BECN2: variants seen among roughly 807,000 people sequenced by gnomAD.
BECN2 encodes the protein beclin-2.
For missense variants in BECN2, 428 were observed against 507.9 expected, an observed-to-expected ratio of 0.84 and a Z score of 1.51; for synonymous variants, 173 against 220.1, an observed-to-expected ratio of 0.79 and a Z score of 1.90.
In BECN2 at chr1:241,958,198, A is replaced by G. The variant is rs1664458228; in HGVS notation, c.432A>G (p.Gln144=). ...CAGAAGCTGACAGTCAGAACTACCA[A>G]CGCTGCCTGGAGACCGGGGAGCTGG... is the stretch of plus-strand genomic sequence containing the variant. ...ALTEADSQNY[Q]RCLETGELAT... is the part of the protein sequence containing the mutation. The change falls in exon 1 of 1, where the codon CAA becomes CAG. Residue 144 remains glutamine, a synonymous_variant. Transcript: ENST00000419583. 2 of 1,232,488 alleles carry G rather than the reference A, an allele frequency of 1.6e-6. No individual in the cohort carries two copies. Among genetic ancestry groups the G allele is most frequent in the Non-Finnish European group, 2.0e-6 (2 of 988,478 alleles). 76.3% of individuals were successfully genotyped at this position (1,232,488 alleles called of 1,614,324 possible).
Position 241,959,060 on chromosome 1 carries a change from T to C in BECN2, c.1294T>C (p.Ter432GlnextTer?). 8.1e-7 allele frequency: 1 copy of C among 1,231,830 alleles called. No individual in the cohort carries two copies. The highest frequency in any genetic ancestry group is 1.0e-6 in the Non-Finnish European group (1 of 988,032). The allele number at this position is 1,231,830 out of a possible 1,614,324, so 76.3% of individuals were successfully genotyped here. A position where few individuals can be genotyped will look rare whatever the true frequency, so the allele number is the denominator to read the frequency against. Residue 432 changes from the stop codon to glutamine, a stop_lost, in exon 1 of 1, where the codon TAG becomes CAG. Transcript: ENST00000419583. ...CTGGGTTGCCTCAAGGTATCAAAAG[T>C]AGCTTTCTTGAGTCTTGCTCTGTCA... ...LIWVASRYQK[*>Q] is the part of the protein sequence containing the mutation.
chr1:241,958,779 G>T lies in BECN2; in HGVS notation c.1013G>T (p.Gly338Val). 8.1e-7 allele frequency: 1 copy of T among 1,231,786 alleles called. No individual in the cohort carries two copies. Among genetic ancestry groups the T allele is most frequent in the Non-Finnish European group, 1.0e-6 (1 of 988,056 alleles). The allele number at this position is 1,231,786 out of a possible 1,614,324, so 76.3% of individuals were successfully genotyped here. Residue 338 changes from glycine (G) to valine (V), a missense_variant, in exon 1 of 1, where the codon GGG becomes GTG. Gly to Val is a moderately radical substitution (Grantham distance 109, BLOSUM62 -3). Coordinates refer to ENST00000419583, the MANE Select transcript of BECN2 (RefSeq NM_001290693.1). ...RTELPLFCYGGQDVFLNNKYD... is the reference protein window; with the variant it reads ...RTELPLFCYGVQDVFLNNKYD... ...GAGCTGCCGTTGTTCTGTTATGGGGGGCAGGATGTTTTCCTCAATAACAAG... is the reference window on the plus strand; with the variant it reads ...GAGCTGCCGTTGTTCTGTTATGGGGTGCAGGATGTTTTCCTCAATAACAAG...
rs1664452451 is a variant in BECN2, at chr1:241,957,882, C to T, written c.116C>T (p.Pro39Leu). ...GCGCCCACCTCTGGGCAGGCTGAGC[C>T]CGGAGACACCCGGGAGCCCGGCGTC... Reference protein sequence around the residue: ...APAPTSGQAEPGDTREPGVTT... With the variant: ...APAPTSGQAELGDTREPGVTT... Residue 39 changes from proline to leucine, a missense_variant, in exon 1 of 1, where the codon CCC becomes CTC. Transcript: ENST00000419583. The T allele has an allele frequency of 1.2e-5, 15 of 1,231,222 alleles. No homozygotes were observed. The highest frequency in any genetic ancestry group is 1.5e-5 in the Non-Finnish European group (15 of 988,042). 76.3% of individuals were successfully genotyped at this position (1,231,222 alleles called of 1,614,324 possible). A position where few individuals can be genotyped will look rare whatever the true frequency, so the allele number is the denominator to read the frequency against.
chr1:241,958,987 G>T lies in BECN2; in HGVS notation c.1221G>T (p.Trp407Cys), dbSNP rs889878148. The change falls in exon 1 of 1, where the codon TGG becomes TGT. Residue 407 changes from tryptophan (W) to cysteine (C), a missense_variant. Trp to Cys is a radical substitution (Grantham distance 215, BLOSUM62 -2). Transcript: ENST00000419583. The stretch of plus-strand genomic sequence containing the variant: ...CCCATCTGAACACGCAGGAGCTGTG[G>T]ACAAAGGCACTCAAGTTCATGCTTA... ...IRTHLNTQELWTKALKFMLIN... is the reference protein window; with the variant it reads ...IRTHLNTQELCTKALKFMLIN... 1.6e-6 allele frequency: 2 copies of T among 1,231,612 alleles called. No individual in the cohort carries two copies. The highest frequency in any genetic ancestry group is 3.1e-5 in the African/African-American group (2 of 64,398). The allele number at this position is 1,231,612 out of a possible 1,614,324, so 76.3% of individuals were successfully genotyped here.
At position 241,958,765 on chromosome 1, in the gene BECN2, G is replaced by A; in HGVS notation, c.999G>A (p.Leu333=). The change falls in exon 1 of 1, where the codon TTG becomes TTA. Residue 333 remains leucine, a synonymous_variant. Transcript: ENST00000419583. ...SLTDDRTELP[L]FCYGGQDVFL... ...CAGATGACCGCACTGAGCTGCCGTT[G>A]TTCTGTTATGGGGGGCAGGATGTTT... 5.7e-6 allele frequency: 7 copies of A among 1,231,798 alleles called. No individual in the cohort carries two copies. The highest frequency in any genetic ancestry group is 7.1e-6 in the Non-Finnish European group (7 of 988,034). 76.3% of individuals were successfully genotyped at this position (1,231,798 alleles called of 1,614,324 possible).
rs955956500 is a variant in BECN2 at position 241,958,722 on chromosome 1, C to G, written c.956C>G (p.Ser319Trp). 22 of 1,231,628 alleles carry G rather than the reference C, an allele frequency of 1.8e-5. No homozygotes were observed. The African/African-American group carries it at 3.3e-4, about 18-fold the overall frequency. The allele number at this position is 1,231,628 out of a possible 1,614,324, so 76.3% of individuals were successfully genotyped here. A position where few individuals can be genotyped will look rare whatever the true frequency, so the allele number is the denominator to read the frequency against. ...CGACTCATCCCCTGCGGAAACCATTCGTATCTGAAGTCTTTAACAGATGAC... is the reference window on the plus strand; with the variant it reads ...CGACTCATCCCCTGCGGAAACCATTGGTATCTGAAGTCTTTAACAGATGAC... Reference protein sequence around the residue: ...RYRLIPCGNHSYLKSLTDDRT... With the variant: ...RYRLIPCGNHWYLKSLTDDRT... Residue 319 changes from serine (S) to tryptophan (W), a missense_variant, in exon 1 of 1, where the codon TCG becomes TGG. By Grantham distance (177) the Ser-to-Trp change is radical (BLOSUM62 -3). Transcript: ENST00000419583.
Position 241,958,249 on chromosome 1 carries a change from G to A in BECN2, c.483G>A (p.Ala161=). The A allele has an allele frequency of 8.1e-7, 1 of 1,233,996 alleles. No individual in the cohort carries two copies. Among genetic ancestry groups the A allele is most frequent in the Non-Finnish European group, 1.0e-6 (1 of 989,656 alleles). 76.4% of individuals were successfully genotyped at this position (1,233,996 alleles called of 1,614,324 possible). Residue 161 remains alanine (A), a synonymous_variant, in exon 1 of 1, where the codon GCG becomes GCA. Coordinates refer to ENST00000419583, the MANE Select transcript of BECN2 (RefSeq NM_001290693.1). ...CGACCAGCGAGGACGAGGCGGCGGC[G>A]CTGCGGGCGGAGCTGCGGGACCTGG... The part of the protein sequence containing the change: ...ELATSEDEAA[A]LRAELRDLEL...
At chr1:241,958,736 TTA>T in the BECN2 span, 2 of 1,231,674 alleles carry the variant, frequency 1.6e-6, no homozygotes, top group Non-Finnish European at 2.0e-6. Flanking sequence ...TCTGAAGTCT[TTA>T]ACAGATGACC....
rs568935999 is a variant in BECN2, at chr1:241,958,391, A to G, written c.625A>G (p.Arg209Gly). The G allele has an allele frequency of 1.6e-6, 2 of 1,232,656 alleles. No homozygotes were observed. Among genetic ancestry groups the G allele is most frequent in the Admixed American group, 8.4e-5 (2 of 23,712 alleles). The allele number at this position is 1,232,656 out of a possible 1,614,324, so 76.4% of individuals were successfully genotyped here. A position where few individuals can be genotyped will look rare whatever the true frequency, so the allele number is the denominator to read the frequency against. ...GGCTGCGGAGCTGGACCAGCAGGAG[A>G]GGCAGCACTACAGGGACTACAGTGC... ...AEAAELDQQE[R>G]QHYRDYSALK... is the part of the protein sequence containing the mutation. Residue 209 changes from arginine (R) to glycine (G), a missense_variant, in exon 1 of 1, where the codon AGG (arginine) becomes GGG (glycine). Physicochemically the swap from Arg to Gly is moderately radical, Grantham distance 125. Transcript: ENST00000419583.
At position 241,958,214 on chromosome 1, in the gene BECN2, G is replaced by A. The variant is rs527947465; in HGVS notation, c.448G>A (p.Gly150Arg). ...GAACTACCAACGCTGCCTGGAGACC[G>A]GGGAGCTGGCGACCAGCGAGGACGA... The part of the protein sequence containing the change: ...SQNYQRCLET[G>R]ELATSEDEAA... Residue 150 changes from glycine (G) to arginine (R), a missense_variant, in exon 1 of 1, where the codon GGG (glycine) becomes AGG (arginine). Transcript: ENST00000419583. 3.8e-5 allele frequency: 47 copies of A among 1,232,486 alleles called. No homozygotes were observed. In the Middle Eastern group the frequency reaches 1.5e-3, roughly 41 times the overall value. 76.3% of individuals were successfully genotyped at this position (1,232,486 alleles called of 1,614,324 possible). A position where few individuals can be genotyped will look rare whatever the true frequency, so the allele number is the denominator to read the frequency against.
At position 241,958,138 on chromosome 1, in the gene BECN2, T is replaced by C. The variant is rs1664457103; in HGVS notation, c.372T>C (p.Ser124=). ...DHPLCEECTD[S]LLEQLDIQLA... ...CCCTGTGTGAAGAATGCACCGACAG[T>C]CTTTTAGAGCAGCTGGACATCCAGC... The change falls in exon 1 of 1, where the codon AGT becomes AGC. Residue 124 remains serine (S), a synonymous_variant. Coordinates refer to ENST00000419583, the MANE Select transcript of BECN2 (RefSeq NM_001290693.1). 8.1e-7 allele frequency: 1 copy of C among 1,231,818 alleles called. No homozygotes were observed. Among genetic ancestry groups the C allele is most frequent in the Admixed American group, 4.2e-5 (1 of 23,684 alleles). The allele number at this position is 1,231,818 out of a possible 1,614,324, so 76.3% of individuals were successfully genotyped here.
Position 241,957,874 on chromosome 1 carries a change from G to A in BECN2, c.108G>A (p.Gln36=), listed in dbSNP as rs1664452241. The change falls in exon 1 of 1, where the codon CAG becomes CAA. Residue 36 remains glutamine (Q), a synonymous_variant. Coordinates refer to ENST00000419583, the MANE Select transcript of BECN2 (RefSeq NM_001290693.1). ...CAGCCCCGGCGCCCACCTCTGGGCA[G>A]GCTGAGCCCGGAGACACCCGGGAGC... ...LPAAPAPTSG[Q]AEPGDTREPG... 2 of 1,231,504 alleles carry A rather than the reference G, an allele frequency of 1.6e-6. No homozygotes were observed. Among genetic ancestry groups the A allele is most frequent in the Non-Finnish European group, 2.0e-6 (2 of 988,040 alleles). The allele number at this position is 1,231,504 out of a possible 1,614,324, so 76.3% of individuals were successfully genotyped here.
In BECN2 at chr1:241,958,238, G is replaced by A. The variant is rs56335758; in HGVS notation, c.472G>A (p.Glu158Lys). 0.36 allele frequency: 438,640 copies of A among 1,233,568 alleles called. 78,872 individuals carry two copies. The highest frequency in any genetic ancestry group is 0.39 in the Middle Eastern group (1,251 of 3,220). The allele number at this position is 1,233,568 out of a possible 1,614,324, so 76.4% of individuals were successfully genotyped here. ...CGGGGAGCTGGCGACCAGCGAGGAC[G>A]AGGCGGCGGCGCTGCGGGCGGAGCT... is the stretch of plus-strand genomic sequence containing the variant. Reference protein sequence around the residue: ...ETGELATSEDEAAALRAELRD... With the variant: ...ETGELATSEDKAAALRAELRD... The change falls in exon 1 of 1, where the codon GAG becomes AAG. Residue 158 changes from glutamate to lysine, a missense_variant. By Grantham distance (56) the Glu-to-Lys change is moderately conservative (BLOSUM62 1). Transcript: ENST00000419583.
At position 241,958,909 on chromosome 1, in the gene BECN2, G is replaced by C; in HGVS notation, c.1143G>C (p.Glu381Asp). 4 of 1,231,940 alleles carry C rather than the reference G, an allele frequency of 3.2e-6. No homozygotes were observed. Among genetic ancestry groups the C allele is most frequent in the Non-Finnish European group, 4.0e-6 (4 of 988,146 alleles). 76.3% of individuals were successfully genotyped at this position (1,231,940 alleles called of 1,614,324 possible). A position where few individuals can be genotyped will look rare whatever the true frequency, so the allele number is the denominator to read the frequency against. ...CTCTGCCCTACGGGATCCAGGTGGA[G>C]ACAGGCCTGATGGAGGACGTTGGCG... Reference protein sequence around the residue: ...GLSLPYGIQVETGLMEDVGGR... With the variant: ...GLSLPYGIQVDTGLMEDVGGR... Residue 381 changes from glutamate (E) to aspartate (D), a missense_variant, in exon 1 of 1, where the codon GAG becomes GAC. Glu to Asp is a conservative substitution (Grantham distance 45). Coordinates refer to ENST00000419583, the MANE Select transcript of BECN2 (RefSeq NM_001290693.1).
rs1664454984 is a variant in BECN2 at position 241,958,056 on chromosome 1, A to T, written c.290A>T (p.Gln97Leu). Residue 97 changes from glutamine to leucine, a missense_variant, in exon 1 of 1, where the codon CAG (glutamine) becomes CTG (leucine). By Grantham distance (113) the Gln-to-Leu change is moderately radical. Transcript: ENST00000419583. Reference sequence around the variant, plus strand: ...GCCATGCACATGCTCAGTAGCATCCAGAAGGCAGCTGGTGACATTTTTGAC... The same window carrying T: ...GCCATGCACATGCTCAGTAGCATCCTGAAGGCAGCTGGTGACATTTTTGAC... ...LGAMHMLSSI[Q>L]KAAGDIFDIV... 8.1e-7 allele frequency: 1 copy of T among 1,231,986 alleles called. No homozygotes were observed. Among genetic ancestry groups the T allele is most frequent in the South Asian group, 4.1e-5 (1 of 24,340 alleles). 76.3% of individuals were successfully genotyped at this position (1,231,986 alleles called of 1,614,324 possible). A position where few individuals can be genotyped will look rare whatever the true frequency, so the allele number is the denominator to read the frequency against.
Position 241,958,217 on chromosome 1 carries a change from G to C in BECN2, c.451G>C (p.Glu151Gln). The change falls in exon 1 of 1, where the codon GAG becomes CAG. Residue 151 changes from glutamate (E) to glutamine (Q), a missense_variant. Coordinates refer to ENST00000419583, the MANE Select transcript of BECN2 (RefSeq NM_001290693.1). ...CTACCAACGCTGCCTGGAGACCGGG[G>C]AGCTGGCGACCAGCGAGGACGAGGC... is the stretch of plus-strand genomic sequence containing the variant. ...QNYQRCLETG[E>Q]LATSEDEAAA... 1.6e-6 allele frequency: 2 copies of C among 1,232,624 alleles called. No individual in the cohort carries two copies. Among genetic ancestry groups the C allele is most frequent in the Non-Finnish European group, 1.0e-6 (1 of 988,516 alleles). The allele number at this position is 1,232,624 out of a possible 1,614,324, so 76.4% of individuals were successfully genotyped here.
rs1187070741 is a variant in BECN2, at chr1:241,958,492, G to C, written c.726G>C (p.Gln242His). The change falls in exon 1 of 1, where the codon CAG becomes CAC. Residue 242 changes from glutamine (Q) to histidine (H), a missense_variant. Coordinates refer to ENST00000419583, the MANE Select transcript of BECN2 (RefSeq NM_001290693.1). ...ACCAGCTGCAGTATGCCAGGGTCCAGAGGGACCGGCTGAAGGAAATCAACT... is the reference window on the plus strand; with the variant it reads ...ACCAGCTGCAGTATGCCAGGGTCCACAGGGACCGGCTGAAGGAAATCAACT... Reference protein sequence around the residue: ...VENQLQYARVQRDRLKEINCF... With the variant: ...VENQLQYARVHRDRLKEINCF... 3 of 1,231,710 alleles carry C rather than the reference G, an allele frequency of 2.4e-6. No homozygotes were observed. In the East Asian group the frequency reaches 9.5e-5, roughly 39 times the overall value. The allele number at this position is 1,231,710 out of a possible 1,614,324, so 76.3% of individuals were successfully genotyped here. A position where few individuals can be genotyped will look rare whatever the true frequency, so the allele number is the denominator to read the frequency against.
In BECN2 at chr1:241,957,885, G is replaced by A; in HGVS notation, c.119G>A (p.Gly40Glu). The part of the protein sequence containing the change: ...PAPTSGQAEP[G>E]DTREPGVTTR... The stretch of plus-strand genomic sequence containing the variant: ...CCCACCTCTGGGCAGGCTGAGCCCG[G>A]AGACACCCGGGAGCCCGGCGTCACC... Residue 40 changes from glycine (G) to glutamate (E), a missense_variant, in exon 1 of 1, where the codon GGA becomes GAA. Transcript: ENST00000419583. 1 of 1,231,370 alleles carries A rather than the reference G, an allele frequency of 8.1e-7. No individual in the cohort carries two copies. The allele number at this position is 1,231,370 out of a possible 1,614,324, so 76.3% of individuals were successfully genotyped here.
chr1:241,958,000 C>T lies in BECN2; in HGVS notation c.234C>T (p.Ala78=). 1 of 1,231,900 alleles carries T rather than the reference C, an allele frequency of 8.1e-7. No homozygotes were observed. The highest frequency in any genetic ancestry group is 1.0e-6 in the Non-Finnish European group (1 of 988,082). 76.3% of individuals were successfully genotyped at this position (1,231,900 alleles called of 1,614,324 possible). A position where few individuals can be genotyped will look rare whatever the true frequency, so the allele number is the denominator to read the frequency against. The change falls in exon 1 of 1, where the codon GCC becomes GCT. Residue 78 remains alanine, a synonymous_variant. Transcript: ENST00000419583. ...ATGGCAGTGTGTCCAAGGGCCATGC[C>T]AACATCTTCACCCTGCTGGGGGAGC... ...PGDGSVSKGH[A]NIFTLLGELG...
Sources: allele counts gnomAD v4.1 joint callset, GRCh38; gene constraint gnomAD v4.1.1; transcripts MANE v1.5; gene names NCBI Gene and HGNC (gene_info 2026-07-23, HGNC 2026-07-21).